The following KCP variants were observed in gnomAD, a reference collection of about 807,000 sequenced individuals.
KCP encodes the protein kielin cysteine rich BMP regulator.
A neutral mutation model predicts 212.7 loss-of-function variants in KCP; 194 were observed. The observed-to-expected ratio is 0.91, with a 90% CI of 0.81 to 1.03. The LOEUF is 1.03. KCP is among the 50% of genes least tolerant of loss of function. The pLI, the probability that KCP is intolerant of heterozygous loss-of-function variation, is 0.00. For missense variants in KCP, 2,080 were observed against 2,162.5 expected (o/e 0.96, Z 0.76); for synonymous variants, 833 against 865.3 (o/e 0.96, Z 0.65).
chr7:128,904,296 TG>T (rs751394867), intron 5 of KCP, 158 bp from the exon 6 acceptor site: 974 of 1,552,624 alleles, frequency 6.3e-4, no homozygotes, highest in Non-Finnish European at 8.2e-4. Flanking sequence ...GGCCGGCAGA[TG>T]GGGCAGCACT....
intron 7 of KCP, chr7:128,903,433 G>A: frequency 2.0e-6 from 1 of 488,064 alleles, no homozygotes; most frequent in Non-Finnish European, 3.6e-6. Context: ...CACTCTAGGG[G>A]TCATCCCTGA....
intron 22 of KCP, among the ~76,000 whole-genome samples, chr7:128,888,324 A>G (rs1035663749): frequency 6.8e-4 from 84 of 123,064 alleles, no homozygotes; most frequent in African/African-American, 2.7e-3. Flanking sequence ...ACCCACACAG[A>G]GCAACACACA....
At position 128,888,940 on chromosome 7, in the gene KCP, C is replaced by T; in HGVS notation, c.2435G>A (p.Cys812Tyr). 1 of 1,549,908 alleles carries T rather than the reference C, an allele frequency of 6.5e-7. No homozygotes were observed. Among genetic ancestry groups the T allele is most frequent in the Non-Finnish European group, 8.7e-7 (1 of 1,146,476 alleles). The change falls in exon 22 of 40, where the codon TGC (cysteine) becomes TAC (tyrosine). Residue 812 changes from cysteine (C) to tyrosine (Y), a missense_variant. Physicochemically the swap from Cys to Tyr is radical, Grantham distance 194. Coordinates refer to ENST00000610776, the MANE Select transcript of KCP (RefSeq NM_001366122.1). ...LCTCLGGFVT[C>Y]GRRPCEPPGC... is the part of the protein sequence containing the mutation. ...CGGAGGCTCACAGGGCCGGCGGCCG[C>T]AGGTCACGAAGCCTCCAAGACAGGT...
chr7:128,891,616 C>T, intron 17 of KCP, 30 bp downstream of exon 17: 2 of 1,501,158 alleles, frequency 1.3e-6, no homozygotes, highest in South Asian at 1.3e-5. Flanking sequence ...CATCCCATCC[C>T]AGAAGGCCGC....
Position 128,880,402 on chromosome 7 carries a change from G to A in KCP, c.3743C>T (p.Pro1248Leu), listed in dbSNP as rs958007356. Residue 1248 changes from proline to leucine, a missense_variant, in exon 34 of 40, where the codon CCG becomes CTG. Pro to Leu is a moderately conservative substitution (Grantham distance 98, BLOSUM62 -3). Coordinates refer to ENST00000610776, the MANE Select transcript of KCP (RefSeq NM_001366122.1). ...TVRCQSQRCS[P>L]LSCGPDKAPA... ...GGCACTCACGGGGCCACACGAGAGC[G>A]GTGAGCAGCGCTGGCTCTGGCAACG... 69 of 1,538,970 alleles carry A rather than the reference G, an allele frequency of 4.5e-5. No individual in the cohort carries two copies. The highest frequency in any genetic ancestry group is 1.1e-4 in the South Asian group (9 of 82,680).
chr7:128,902,995 T>C (rs1794941333), intron 7 of KCP, 136 bp from the exon 8 acceptor site: 2 of 676,484 alleles, frequency 3.0e-6, no homozygotes, highest in Non-Finnish European at 5.1e-6. Context: ...GTCAGATCTC[T>C]GCCTAGATTC....
chr7:128,893,154 C>T, intron 13 of KCP, 84 bp downstream of exon 13: 3 of 1,375,028 alleles, frequency 2.2e-6, no homozygotes, highest in Non-Finnish European at 3.0e-6. Flanking sequence ...GCAACCCGTA[C>T]CCCGTCCTGG....
In KCP at chr7:128,879,679, C is replaced by T. The variant is rs1374062902; in HGVS notation, c.4044+39G>A. On this transcript the variant is annotated intron_variant, in intron 36 of 39. Transcript: ENST00000610776. ...GATGTCGAGGCACATGGGTGGACAG[C>T]ACAGGATCCACCTTCCTCCACTCCT... 3.2e-6 allele frequency: 5 copies of T among 1,547,032 alleles called. No homozygotes were observed. In the Admixed American group the frequency reaches 5.9e-5, roughly 18 times the overall value.
chr7:128,908,251 G>GA lies in KCP; in HGVS notation c.219+174dup, dbSNP rs10565205. ...AGGAAAGAAGAAAGGAAGAAAGAAA[G>GA]AAGAAAGAAAGAAAGAAAGAAAGAA... On this transcript the variant is annotated intron_variant, in intron 2 of 39. Transcript: ENST00000610776. 5.5e-3 allele frequency among the ~76,000 whole-genome samples: 560 copies of GA among 101,244 alleles called. 9 individuals are homozygous for GA. Among genetic ancestry groups the GA allele is most frequent in the African/African-American group, 0.011 (289 of 25,820 alleles). The allele number at this position is 101,244 out of a possible 152,430, so 66.4% of individuals were successfully genotyped here.
rs1306636833 is a variant in KCP at position 128,879,721 on chromosome 7, G to T, written c.4041C>A (p.Val1347=). 6.5e-7 allele frequency: 1 copy of T among 1,550,020 alleles called. No homozygotes were observed. Residue 1347 remains valine (V), a synonymous_variant, in exon 36 of 40, where the codon GTC becomes GTA. Transcript: ENST00000610776. ...MAVRLLQDGA[V]TVDGHPVALP... Reference sequence around the variant, plus strand: ...TCCACTCCTCGGCTTTGCTCACCGTGACTGCCCCGTCCTGCAGCAGCCGCA... The same window carrying T: ...TCCACTCCTCGGCTTTGCTCACCGTTACTGCCCCGTCCTGCAGCAGCCGCA...
intron 8 of KCP, among the ~76,000 whole-genome samples, chr7:128,901,123 AC>A (rs1400262665): frequency 6.6e-6 from 1 of 152,218 alleles, no homozygotes; most frequent in African/African-American, 2.4e-5. Flanking sequence ...GGTTGTCCTC[AC>A]TGCTATACTC....
Position 128,890,421 on chromosome 7 carries a change from C to A in KCP, c.2257G>T (p.Val753Leu), listed in dbSNP as rs758759221. ...GCACATGCCTTGGGCTCGCAGCTCA[C>A]GCTGCCCTCCCAGCAAAGGCAGAGG... ...CHLCLCWEGSVSCEPKACAPA... is the reference protein window; with the variant it reads ...CHLCLCWEGSLSCEPKACAPA... Residue 753 changes from valine (V) to leucine (L), a missense_variant, in exon 21 of 40, where the codon GTG (valine) becomes TTG (leucine). Physicochemically the swap from Val to Leu is conservative, Grantham distance 32 (BLOSUM62 1). Transcript: ENST00000610776. The A allele has an allele frequency of 6.4e-7, 1 of 1,551,198 alleles. No homozygotes were observed. The highest frequency in any genetic ancestry group is 2.0e-5 in the Admixed American group (1 of 51,010).
At chr7:128,887,371 C>T (rs2128946011) in intron 22 of KCP, 71 bp from the exon 23 acceptor site, 1 of 1,145,786 alleles carries the variant, frequency 8.7e-7, no homozygotes, top group Middle Eastern at 2.8e-4. Flanking sequence ...CACACACAGC[C>T]CCTCCCCCTC....
rs1355039295 is a variant in KCP, at chr7:128,877,227, G to A, written c.4703C>T (p.Pro1568Leu). 4.7e-6 allele frequency: 7 copies of A among 1,482,498 alleles called. No individual in the cohort carries two copies. Among genetic ancestry groups the A allele is most frequent in the Non-Finnish European group, 6.3e-6 (7 of 1,117,126 alleles). 91.8% of individuals were successfully genotyped at this position (1,482,498 alleles called of 1,614,324 possible). Residue 1568 changes from proline to leucine, a missense_variant, in exon 40 of 40, where the codon CCC becomes CTC. Physicochemically the swap from Pro to Leu is moderately conservative, Grantham distance 98. Transcript: ENST00000610776. ...CPRTCFNQHI[P>L]LGELAAHCVR... ...GCAGTGGGCTGCCAGCTCCCCCAGG[G>A]GGATATGCTGATTGAAGCAGGTGCG...
In KCP at chr7:128,880,469, C is replaced by T. The variant is rs910677563; in HGVS notation, c.3676G>A (p.Val1226Met). The change falls in exon 34 of 40, where the codon GTG (valine) becomes ATG (methionine). Residue 1226 changes from valine (V) to methionine (M), a missense_variant. By Grantham distance (21) the Val-to-Met change is conservative. Coordinates refer to ENST00000610776, the MANE Select transcript of KCP (RefSeq NM_001366122.1). The part of the protein sequence containing the change: ...REVASGERWT[V>M]DTCTSCSCMA... Reference sequence around the variant, plus strand: ...CAGGAGCAGCTGGTGCAGGTGTCCACAGTCCAGCGCTCTCCAGAGGCCACC... The same window carrying T: ...CAGGAGCAGCTGGTGCAGGTGTCCATAGTCCAGCGCTCTCCAGAGGCCACC... 1.3e-6 allele frequency: 2 copies of T among 1,543,056 alleles called. No individual in the cohort carries two copies. Among genetic ancestry groups the T allele is most frequent in the Non-Finnish European group, 8.8e-7 (1 of 1,142,040 alleles).
Position 128,903,773 on chromosome 7 carries a change from G to C in KCP, c.702C>G (p.Cys234Trp), listed in dbSNP as rs1175716447. 1.9e-6 allele frequency: 3 copies of C among 1,551,416 alleles called. No individual in the cohort carries two copies. ...GCCCAGGCCTCAGCACTGGCTCTGG[G>C]CAGGGGCTAGGCGGGCACTTCAGGG... ...CMALKCPPSP[C>W]PEPVLRPGHC... Residue 234 changes from cysteine (C) to tryptophan (W), a missense_variant, in exon 7 of 40, where the codon TGC becomes TGG. Physicochemically the swap from Cys to Trp is radical, Grantham distance 215. Coordinates refer to ENST00000610776, the MANE Select transcript of KCP (RefSeq NM_001366122.1).
chr7:128,910,586 C>G lies in KCP; in HGVS notation c.76+15G>C, dbSNP rs569498705. 1,050 of 1,511,014 alleles carry G rather than the reference C, an allele frequency of 6.9e-4. 3 individuals carry two copies. The highest frequency in any genetic ancestry group is 3.2e-3 in the Admixed American group (157 of 48,910). 93.6% of individuals were successfully genotyped at this position (1,511,014 alleles called of 1,614,324 possible). On this transcript the variant is annotated intron_variant, in intron 1 of 39. Transcript: ENST00000610776. ...GCACCTGGCCGGACCCCAAGCCTCC[C>G]GCACCTGGACTCACCTTCCGCGCCC... is the stretch of plus-strand genomic sequence containing the variant.
intron 8 of KCP, among the ~76,000 whole-genome samples, chr7:128,899,150 G>A (rs758934216): frequency 1.5e-3 from 224 of 152,164 alleles, no homozygotes; most frequent in Non-Finnish European, 2.5e-3. Context: ...ATGTGTTACT[G>A]GTATGTGTTC....
intron 37 of KCP, chr7:128,879,196 G>A (rs1233004290): frequency 2.4e-6 from 1 of 410,222 alleles, no homozygotes; most frequent in Non-Finnish European, 4.4e-6. Context: ...CACCCCCCCA[G>A]GAGACTTCAG....
Sources: gnomAD v4.1 joint callset for allele counts (sites outside exome capture counted in the v4.1 genomes callset) on GRCh38, gnomAD v4.1.1 for gene constraint, MANE v1.5 for transcripts, NCBI Gene and HGNC (gene_info 2026-07-23, HGNC 2026-07-21) for gene names.